Variants in TNFRSF8 observed in about 807,000 individuals in gnomAD.
The protein encoded by TNFRSF8 is TNF receptor superfamily member 8.
TNFRSF8 carries 26 observed loss-of-function variants against 70.8 expected under a neutral mutation model. That is an observed-to-expected ratio of 0.37 (90% CI 0.27 to 0.51). The LOEUF (loss-of-function observed/expected upper bound fraction) is 0.51. Among genes scored for constraint, TNFRSF8 ranks in the 20% least tolerant of loss-of-function variants. The pLI, the probability that TNFRSF8 is intolerant of heterozygous loss-of-function variation, is 0.94. For missense variants in TNFRSF8, 720 were observed against 807.9 expected (o/e 0.89, Z 1.32); for synonymous variants, 356 against 339.2 (o/e 1.05, Z -0.54).
At chr1:12,133,282 G>A (rs993079121) in intron 12 of TNFRSF8, among the ~76,000 whole-genome samples, 2 of 151,900 alleles carry the variant, frequency 1.3e-5, no homozygotes, top group East Asian at 1.9e-4. Context: ...CTTCAAGGCC[G>A]AGTTGTGTCA....
chr1:12,113,419 C>T lies in TNFRSF8; in HGVS notation c.793+1405C>T, dbSNP rs751413870. ...AAACTCCTGGCCTCAAGTGATCCGC[C>T]GGCCTTGGCCTCCCAAAGTGTTGGA... On this transcript the variant is annotated intron_variant, in intron 7 of 14. Transcript: ENST00000263932. This position sits in a 1 kb window ranked among gnomAD's most constrained non-coding sequence, Gnocchi z 4.9. Among the ~76,000 whole-genome samples the T allele has an allele frequency of 2.0e-5, 3 of 152,314 alleles. No homozygotes were observed. The highest frequency in any genetic ancestry group is 4.1e-4 in the South Asian group (2 of 4,826).
At chr1:12,104,638 C>T in intron 4 of TNFRSF8, 107 bp downstream of exon 4, 8 of 1,362,652 alleles carry the variant, frequency 5.9e-6, no homozygotes, top group Non-Finnish European at 8.1e-6. Context: ...TTCCCGGAGA[C>T]TGTTGGACAG....
intron 12 of TNFRSF8, among the ~76,000 whole-genome samples, chr1:12,133,970 G>A (rs898149841): frequency 1.3e-5 from 2 of 152,124 alleles, no homozygotes; most frequent in Non-Finnish European, 2.9e-5. Flanking sequence ...AACCTGTGAG[G>A]CAGAGGTTGC....
At chr1:12,078,272 A>T (rs1641000681) in intron 1 of TNFRSF8, among the ~76,000 whole-genome samples, 1 of 152,118 alleles carries the variant, frequency 6.6e-6, no homozygotes, top group Admixed American at 6.6e-5. Context: ...TTCAAAAAGC[A>T]GTCAGTCTCG....
intron 2 of TNFRSF8, among the ~76,000 whole-genome samples, chr1:12,093,251 A>AT (rs1316754542): frequency 2.0e-5 from 3 of 152,076 alleles, no homozygotes; most frequent in Non-Finnish European, 4.4e-5. Flanking sequence ...CAGCATATAT[A>AT]TTTTTTTGGG....
chr1:12,115,830 A>G (rs1334525882), intron 8 of TNFRSF8, 101 bp downstream of exon 8: 1 of 1,339,688 alleles, frequency 7.5e-7, no homozygotes, highest in Non-Finnish European at 1.0e-6. Context: ...CAAATGACCT[A>G]CACCCTCGGC....
chr1:12,090,560 GCACT>G (rs1490041506), intron 2 of TNFRSF8, among the ~76,000 whole-genome samples: 2 of 133,008 alleles, frequency 1.5e-5, no homozygotes, highest in African/African-American at 2.9e-5. Flanking sequence ...ATTCACCTAT[GCACT>G]CACTCATCCA....
chr1:12,095,887 T>G (rs185319419), intron 2 of TNFRSF8, among the ~76,000 whole-genome samples: 9 of 152,364 alleles, frequency 5.9e-5, no homozygotes, highest in Non-Finnish European at 8.8e-5. Context: ...TCTCTCCAAC[T>G]CTGGCTTCTG....
Position 12,138,139 on chromosome 1 carries a change from T to C in TNFRSF8, c.1336-90T>C. 2 of 1,364,960 alleles carry C rather than the reference T, an allele frequency of 1.5e-6. No homozygotes were observed. The highest frequency in any genetic ancestry group is 1.0e-6 in the Non-Finnish European group (1 of 998,314). 84.6% of individuals were successfully genotyped at this position (1,364,960 alleles called of 1,614,324 possible). A position where few individuals can be genotyped will look rare whatever the true frequency, so the allele number is the denominator to read the frequency against. On this transcript the variant is annotated intron_variant, in intron 13 of 14. Transcript: ENST00000263932. This position sits in a 1 kb window ranked among gnomAD's most constrained non-coding sequence, Gnocchi z 5.7. Reference sequence around the variant, plus strand: ...AGAAAGGGGGACTCACTGGGGTCTGTAGAGATGAAAAAAAAAAGGGGCCTC... The same window carrying C: ...AGAAAGGGGGACTCACTGGGGTCTGCAGAGATGAAAAAAAAAAGGGGCCTC...
intron 12 of TNFRSF8, among the ~76,000 whole-genome samples, chr1:12,131,385 G>T (rs1179189853): frequency 6.6e-6 from 1 of 152,206 alleles, no homozygotes; most frequent in African/African-American, 2.4e-5. Flanking sequence ...GGGAGGTGGA[G>T]GTTGCAGTGA....
At chr1:12,139,103 T>A (rs539099305) in intron 14 of TNFRSF8, among the ~76,000 whole-genome samples, 350 of 146,370 alleles carry the variant, frequency 2.4e-3, no homozygotes, top group African/African-American at 8.8e-3. Context: ...GCCTCCTCTC[T>A]TGCTTCTCAT....
chr1:12,104,114 A>G (rs1282169192), intron 3 of TNFRSF8, among the ~76,000 whole-genome samples: 3 of 152,186 alleles, frequency 2.0e-5, no homozygotes, highest in Admixed American at 2.0e-4. Context: ...TTGGAATGAC[A>G]GTGTGTGGCC....
chr1:12,124,683 G>A (rs1323050184), intron 10 of TNFRSF8, among the ~76,000 whole-genome samples: 15 of 152,072 alleles, frequency 9.9e-5, no homozygotes, highest in Non-Finnish European at 2.1e-4. Flanking sequence ...TTAGCCAGGC[G>A]TGGTGGCGCG....
At chr1:12,123,224 C>T (rs1316960201) in intron 8 of TNFRSF8, 60 bp from the exon 9 acceptor site, 1 of 1,476,098 alleles carries the variant, frequency 6.8e-7, no homozygotes, top group Admixed American at 2.0e-5. Context: ...CTGGTTAACT[C>T]TTTCCTGGAG....
chr1:12,086,677 TG>T (rs910966834), intron 2 of TNFRSF8, among the ~76,000 whole-genome samples: 96 of 152,222 alleles, frequency 6.3e-4, no homozygotes, highest in African/African-American at 2.2e-3. Context: ...CTTACAGTTC[TG>T]GAGGCTTGAA....
chr1:12,077,295 T>C (rs1375929626), intron 1 of TNFRSF8, among the ~76,000 whole-genome samples: 1 of 152,166 alleles, frequency 6.6e-6, no homozygotes, highest in Non-Finnish European at 1.5e-5. Context: ...TCCTGGATTA[T>C]CAGGGCGGGC....
chr1:12,116,729 G>A (rs1304959736), intron 8 of TNFRSF8, among the ~76,000 whole-genome samples: 2 of 152,154 alleles, frequency 1.3e-5, no homozygotes, highest in African/African-American at 4.8e-5. Context: ...GAACCCGGGA[G>A]GCATAGGTTG....
At chr1:12,121,583 A>T (rs1043577643) in intron 8 of TNFRSF8, among the ~76,000 whole-genome samples, 9 of 152,208 alleles carry the variant, frequency 5.9e-5, no homozygotes, top group African/African-American at 2.2e-4. Flanking sequence ...GGAACTCGCC[A>T]TCTCTGTTTC....
chr1:12,082,480 G>A (rs772968666), intron 1 of TNFRSF8, among the ~76,000 whole-genome samples: 1 of 150,820 alleles, frequency 6.6e-6, no homozygotes, highest in Non-Finnish European at 1.5e-5. Flanking sequence ...AGCCTGGGAG[G>A]CTGAGGCTGC....
Sources: allele counts gnomAD v4.1 joint callset (sites outside exome capture counted in the v4.1 genomes callset), GRCh38; gene constraint gnomAD v4.1.1; non-coding constraint Gnocchi (gnomAD v3.1); transcripts MANE v1.5; gene names NCBI Gene and HGNC (gene_info 2026-07-23, HGNC 2026-07-21).